B4GALT1: variants seen among roughly 807,000 people sequenced by gnomAD.
B4GALT1 encodes N-acetyllactosamine synthase.
In B4GALT1, 16 loss-of-function variants were observed where a neutral mutation model predicts 34.9. The ratio of observed to expected loss-of-function variants is 0.46; its 90% confidence interval spans 0.31 to 0.70. The LOEUF is 0.70. B4GALT1 is among the 30% of genes least tolerant of loss of function. The pLI, the probability that B4GALT1 is intolerant of heterozygous loss-of-function variation, is 0.05. For synonymous variants in B4GALT1, 221 were observed against 218.1 expected (o/e 1.01, Z -0.12); for missense variants, 445 against 530.5 (o/e 0.84, Z 1.58).
At chr9:33,108,577 T>C (rs1041779296), downstream of B4GALT1, 4 of 152,148 alleles carry the variant, frequency 2.6e-5, no homozygotes, top group Non-Finnish European at 4.4e-5. Flanking sequence ...TGACCTCTCA[T>C]AGGCATATGT....
chr9:33,142,676 G>T (rs1434965583), intron 1 of B4GALT1, among the ~76,000 whole-genome samples: 1 of 151,936 alleles, frequency 6.6e-6, no homozygotes, highest in Non-Finnish European at 1.5e-5. Context: ...GAGTGCAATG[G>T]CATGATTATC....
intron 1 of B4GALT1, among the ~76,000 whole-genome samples, chr9:33,142,096 C>T (rs1370650744): frequency 6.6e-6 from 1 of 152,134 alleles, no homozygotes; most frequent in Non-Finnish European, 1.5e-5. Flanking sequence ...GATTCTCCTG[C>T]CACAGCCTCC....
At chr9:33,157,789 T>G (rs1350973338) in intron 1 of B4GALT1, among the ~76,000 whole-genome samples, 2 of 151,878 alleles carry the variant, frequency 1.3e-5, no homozygotes, top group East Asian at 3.9e-4. Context: ...CAATAATAAA[T>G]AACATATATT....
intron 2 of B4GALT1, among the ~76,000 whole-genome samples, chr9:33,124,382 C>T (rs1840064454): frequency 6.6e-6 from 1 of 152,208 alleles, no homozygotes; most frequent in Non-Finnish European, 1.5e-5. Flanking sequence ...GGAATGCTGG[C>T]TTCTTTATTT....
At chr9:33,108,337 G>C (rs180879025), downstream of B4GALT1, among the ~76,000 whole-genome samples, 1 of 151,810 alleles carries the variant, frequency 6.6e-6, no homozygotes, top group South Asian at 2.1e-4. Context: ...TAGGGGCCAG[G>C]TGCAGTGGCT....
chr9:33,157,222 T>C (rs192595778), intron 1 of B4GALT1, among the ~76,000 whole-genome samples: 55 of 151,522 alleles, frequency 3.6e-4, no homozygotes, highest in Non-Finnish European at 6.8e-4. Context: ...TCCACATACT[T>C]CAAAAGCCAG....
At chr9:33,149,031 A>G (rs994101773) in intron 1 of B4GALT1, among the ~76,000 whole-genome samples, 1 of 152,136 alleles carries the variant, frequency 6.6e-6, no homozygotes, top group Non-Finnish European at 1.5e-5. Context: ...TAATAGGGAA[A>G]AAGGGTAAGC....
chr9:33,109,466 G>T (rs190074940), downstream of B4GALT1, among the ~76,000 whole-genome samples: 1 of 152,210 alleles, frequency 6.6e-6, no homozygotes, highest in Non-Finnish European at 1.5e-5. Context: ...AACCCAAGAA[G>T]AGGCTCATAG....
At chr9:33,178,021 G>T in the B4GALT1 span, among the ~76,000 whole-genome samples, 1 of 116,752 alleles carries the variant, frequency 8.6e-6, no homozygotes, top group Non-Finnish European at 1.7e-5. Flanking sequence ...ACAGGGTCTT[G>T]CTCTGTTACC....
intron 2 of B4GALT1, among the ~76,000 whole-genome samples, chr9:33,132,310 C>T (rs1840204911): frequency 6.6e-6 from 1 of 152,116 alleles, no homozygotes; most frequent in South Asian, 2.1e-4. Context: ...CTAACTTAGG[C>T]CCGCTTTCCC....
chr9:33,135,101 T>C, intron 2 of B4GALT1, 88 bp downstream of exon 2: 1 of 1,333,654 alleles, frequency 7.5e-7, no homozygotes, highest in Non-Finnish European at 1.1e-6. Flanking sequence ...GTGAAATCAC[T>C]CCCCTTCCCC....
chr9:33,126,627 CATTGTTAACATTGTTAACT>C (rs753055614), intron 2 of B4GALT1, among the ~76,000 whole-genome samples: 11 of 152,326 alleles, frequency 7.2e-5, no homozygotes, highest in East Asian at 1.9e-4. Flanking sequence ...CATAGTTAAC[CATTGTTAACATTGTTAACT>C]ATTGTTAACC....
chr9:33,118,377 T>G lies in B4GALT1; in HGVS notation c.836+2042A>C, dbSNP rs192576937. 6.4e-4 allele frequency among the ~76,000 whole-genome samples: 98 copies of G among 152,192 alleles called. 1 individual carries two copies. The highest frequency in any genetic ancestry group is 3.2e-4 in the Non-Finnish European group (22 of 68,004). ...GAGTCTGACAGAAAGCTGTTGCATCTCAGCAGGTGCAGTAGTTCATGCCTG... is the reference window on the plus strand; with the variant it reads ...GAGTCTGACAGAAAGCTGTTGCATCGCAGCAGGTGCAGTAGTTCATGCCTG... On this transcript the variant is annotated intron_variant, in intron 3 of 5. Coordinates refer to ENST00000379731, the MANE Select transcript of B4GALT1 (RefSeq NM_001497.4).
chr9:33,140,956 C>T (rs1396532482), intron 1 of B4GALT1, among the ~76,000 whole-genome samples: 1 of 152,230 alleles, frequency 6.6e-6, no homozygotes, highest in East Asian at 1.9e-4. Context: ...AGCACAAGCT[C>T]TCTAAGTCTG....
intron 1 of B4GALT1, among the ~76,000 whole-genome samples, chr9:33,150,828 C>T (rs139393107): frequency 1.3e-5 from 2 of 152,180 alleles, no homozygotes; most frequent in Middle Eastern, 3.4e-3. Context: ...ACTATAAATA[C>T]GTTAGAATAG....
the B4GALT1 span, among the ~76,000 whole-genome samples, chr9:33,175,781 G>A: frequency 6.6e-6 from 1 of 152,192 alleles, no homozygotes; most frequent in Admixed American, 6.5e-5. Context: ...GTAGTGGGCT[G>A]TACCATCTGG....
In B4GALT1 at chr9:33,112,104, G is replaced by A. The variant is rs1282935316; in HGVS notation, c.*1350C>T. ...GGAGACGAAGGAAGGAATGAGAAAGGCAGGGGAAAAGAGGAAGGAGGAAGA... is the reference window on the plus strand; with the variant it reads ...GGAGACGAAGGAAGGAATGAGAAAGACAGGGGAAAAGAGGAAGGAGGAAGA... On this transcript the variant is annotated 3_prime_UTR_variant, in exon 6 of 6. Transcript: ENST00000379731. 6.5e-6 allele frequency: 1 copy of A among 153,082 alleles called. No individual in the cohort carries two copies. Among genetic ancestry groups the A allele is most frequent in the Non-Finnish European group, 1.5e-5 (1 of 68,368 alleles). 9.5% of individuals were successfully genotyped at this position (153,082 alleles called of 1,614,324 possible).
At chr9:33,117,007 G>A (rs1319059854) in intron 3 of B4GALT1, among the ~76,000 whole-genome samples, 1 of 152,206 alleles carries the variant, frequency 6.6e-6, no homozygotes, top group Non-Finnish European at 1.5e-5. Flanking sequence ...TCAGTGACAA[G>A]AGCAGGCCTA....
chr9:33,123,076 G>A (rs1840044558), intron 2 of B4GALT1, among the ~76,000 whole-genome samples: 1 of 152,090 alleles, frequency 6.6e-6, no homozygotes, highest in Non-Finnish European at 1.5e-5. Context: ...TCAGGAGTTT[G>A]AGACCAGCCT....
Sources: allele counts gnomAD v4.1 joint callset (sites outside exome capture counted in the v4.1 genomes callset), GRCh38; gene constraint gnomAD v4.1.1; transcripts MANE v1.5; gene names NCBI Gene and HGNC (gene_info 2026-07-23, HGNC 2026-07-21).